Variants in CNTNAP2 observed in about 807,000 individuals in gnomAD.
CNTNAP2 encodes the protein contactin-associated protein-like 2.
Under a neutral mutation model 155.2 loss-of-function variants are expected in CNTNAP2, and 98 were observed. That is an observed-to-expected ratio of 0.63 (90% confidence interval 0.54 to 0.75). The LOEUF (loss-of-function observed/expected upper bound fraction) is 0.75, where lower values mean the gene tolerates loss of function less well. Among genes scored for constraint, CNTNAP2 ranks in the 30% least tolerant of loss-of-function variants. The pLI is 0.00. For synonymous variants in CNTNAP2, 651 were observed against 631.2 expected (o/e 1.03, Z -0.47); for missense variants, 1,727 against 1,688.1 (o/e 1.02, Z -0.40).
At chr7:146,981,515 A>G (rs888910496) in intron 3 of CNTNAP2, among the ~76,000 whole-genome samples, 4 of 152,212 alleles carry the variant, frequency 2.6e-5, no homozygotes, top group Non-Finnish European at 4.4e-5. Context: ...TTGGTGTGAT[A>G]CGTAGCCCAT....
intron 3 of CNTNAP2, among the ~76,000 whole-genome samples, chr7:147,011,943 C>G (rs1334871568): frequency 6.6e-6 from 1 of 152,166 alleles, no homozygotes; most frequent in African/African-American, 2.4e-5. Context: ...TAGAATTAGA[C>G]CAGATCCTTT....
intron 1 of CNTNAP2, among the ~76,000 whole-genome samples, chr7:146,432,218 A>C (rs1796183043): frequency 6.6e-6 from 1 of 152,154 alleles, no homozygotes; most frequent in African/African-American, 2.4e-5. Flanking sequence ...ATCAATGATC[A>C]AGGAATGATG....
At chr7:147,640,671 A>C (rs1419478804) in intron 13 of CNTNAP2, among the ~76,000 whole-genome samples, 1 of 152,166 alleles carries the variant, frequency 6.6e-6, no homozygotes, top group African/African-American at 2.4e-5. Flanking sequence ...CTCACGCAGA[A>C]CTGGATAAAA....
At chr7:147,023,646 C>A (rs2109305) in intron 3 of CNTNAP2, among the ~76,000 whole-genome samples, 16,372 of 152,098 alleles carry the variant, frequency 0.11, 1,318 homozygotes, top group East Asian at 0.23. Context: ...AGAATTTATT[C>A]ATCACTAAAT....
chr7:147,718,627 C>T (rs567524085), intron 13 of CNTNAP2, among the ~76,000 whole-genome samples: 1 of 151,538 alleles, frequency 6.6e-6, no homozygotes, highest in South Asian at 2.1e-4. Flanking sequence ...GCTGACTCTT[C>T]TTGTTATGCA....
chr7:147,566,083 C>G (rs1423398377), intron 12 of CNTNAP2, among the ~76,000 whole-genome samples: 1 of 148,168 alleles, frequency 6.7e-6, no homozygotes, highest in Non-Finnish European at 1.5e-5. Context: ...GAGTTCAAGA[C>G]CAGCCTTGGC....
intron 8 of CNTNAP2, among the ~76,000 whole-genome samples, chr7:147,245,780 A>AT (rs2116647847): frequency 6.6e-6 from 1 of 150,712 alleles, no homozygotes; most frequent in African/African-American, 2.4e-5. Context: ...AAAAAAAAAA[A>AT]AAAAATTTCA....
At chr7:147,308,516 T>C (rs769480466) in intron 9 of CNTNAP2, among the ~76,000 whole-genome samples, 2 of 152,106 alleles carry the variant, frequency 1.3e-5, no homozygotes, top group Admixed American at 6.6e-5. Context: ...AGGTGAGATA[T>C]GGGGTGTGAA....
chr7:147,621,837 G>T (rs755807110), intron 12 of CNTNAP2, among the ~76,000 whole-genome samples: 11 of 151,880 alleles, frequency 7.2e-5, no homozygotes, highest in Non-Finnish European at 1.6e-4. Context: ...ACATACAGTA[G>T]CTGAATAGAT....
intron 18 of CNTNAP2, among the ~76,000 whole-genome samples, chr7:148,214,262 C>T (rs1180408571): frequency 6.6e-6 from 1 of 152,198 alleles, no homozygotes; most frequent in Non-Finnish European, 1.5e-5. Flanking sequence ...GCCCAGGGTG[C>T]AGTCAGTGCT....
chr7:146,501,672 A>G (rs951439007), intron 1 of CNTNAP2, among the ~76,000 whole-genome samples: 1 of 152,136 alleles, frequency 6.6e-6, no homozygotes, highest in Non-Finnish European at 1.5e-5. Context: ...TGAAAAATAT[A>G]TGCCCACCCA....
At chr7:147,932,109 C>T (rs1384772596) in intron 14 of CNTNAP2, among the ~76,000 whole-genome samples, 1 of 152,116 alleles carries the variant, frequency 6.6e-6, no homozygotes, top group Non-Finnish European at 1.5e-5. Context: ...TGATCTCAAA[C>T]TCCTGGGCTC....
At chr7:148,068,663 T>C (rs1309741763) in intron 15 of CNTNAP2, among the ~76,000 whole-genome samples, 2 of 152,226 alleles carry the variant, frequency 1.3e-5, no homozygotes, top group Non-Finnish European at 2.9e-5. Flanking sequence ...ACAGCCCTTT[T>C]CTAGGGCTGA....
At chr7:146,428,617 T>A (rs957945207) in intron 1 of CNTNAP2, among the ~76,000 whole-genome samples, 1 of 152,066 alleles carries the variant, frequency 6.6e-6, no homozygotes, top group Non-Finnish European at 1.5e-5. Flanking sequence ...TCTTTTAATT[T>A]TTTTTAAGTT....
intron 21 of CNTNAP2, among the ~76,000 whole-genome samples, chr7:148,348,585 T>A (rs896910407): frequency 3.6e-4 from 55 of 152,294 alleles, no homozygotes; most frequent in African/African-American, 1.3e-3. Context: ...CAGCCAGCTC[T>A]TGAAGAATAT....
At chr7:146,707,330 C>A (rs766746541) in intron 1 of CNTNAP2, among the ~76,000 whole-genome samples, 7 of 152,142 alleles carry the variant, frequency 4.6e-5, no homozygotes, top group Non-Finnish European at 1.0e-4. Context: ...GGCATGGGGC[C>A]TCACTCCATT....
intron 1 of CNTNAP2, among the ~76,000 whole-genome samples, chr7:146,660,188 T>C (rs1429233254): frequency 6.6e-6 from 1 of 152,218 alleles, no homozygotes; most frequent in Non-Finnish European, 1.5e-5. Flanking sequence ...AATTCACTGG[T>C]AAATAATCTC....
intron 8 of CNTNAP2, among the ~76,000 whole-genome samples, chr7:147,214,636 C>T (rs1015504904): frequency 6.6e-6 from 1 of 152,030 alleles, no homozygotes. Flanking sequence ...GGCAGGTAGT[C>T]ACCTGTTTCT....
chr7:147,724,044 T>A (rs1215639952), intron 13 of CNTNAP2, among the ~76,000 whole-genome samples: 1 of 151,986 alleles, frequency 6.6e-6, no homozygotes, highest in Admixed American at 6.6e-5. Context: ...ATAGCACTCC[T>A]GATGTATTTC....
Sources: gnomAD v4.1 joint callset for allele counts (sites outside exome capture counted in the v4.1 genomes callset) on GRCh38, gnomAD v4.1.1 for gene constraint, MANE v1.5 for transcripts, NCBI Gene and HGNC (gene_info 2026-07-23, HGNC 2026-07-21) for gene names.